Variants in CSMD1 observed in about 807,000 individuals in gnomAD.
CSMD1 encodes the protein CUB and Sushi multiple domains 1.
CSMD1 carries 213 observed loss-of-function variants against 417.5 expected under a neutral mutation model. The observed-to-expected ratio is 0.51, with a 90% confidence interval of 0.46 to 0.57. The LOEUF (loss-of-function observed/expected upper bound fraction) is 0.57. Ranked by LOEUF, CSMD1 falls within the 20% of genes least tolerant of loss-of-function variation. The pLI, the probability that CSMD1 is intolerant of heterozygous loss-of-function variation, is 0.00. For synonymous variants in CSMD1, 2,862 were observed against 1,736.8 expected (o/e 1.65, Z -16.11); for missense variants, 6,923 against 4,529.7 (o/e 1.53, Z -15.17).
At chr8:4,039,678 G>C (rs546291967) in intron 3 of CSMD1, among the ~76,000 whole-genome samples, 1 of 152,166 alleles carries the variant, frequency 6.6e-6, no homozygotes. Flanking sequence ...ATAACTCAAT[G>C]AGGAAGTGAG....
At chr8:4,914,235 A>G (rs1805899000) in intron 1 of CSMD1, among the ~76,000 whole-genome samples, 1 of 152,194 alleles carries the variant, frequency 6.6e-6, no homozygotes, top group African/African-American at 2.4e-5. Flanking sequence ...AAGCTATGGA[A>G]TTATGCAAGT....
intron 1 of CSMD1, among the ~76,000 whole-genome samples, chr8:4,918,290 G>C (rs1806205130): frequency 1.3e-5 from 2 of 152,142 alleles, no homozygotes; most frequent in South Asian, 4.1e-4. Context: ...ACTTATTTTT[G>C]TATTTATGAG....
intron 3 of CSMD1, among the ~76,000 whole-genome samples, chr8:4,405,364 T>G (rs1391656870): frequency 2.0e-5 from 3 of 152,174 alleles, no homozygotes; most frequent in African/African-American, 7.2e-5. Flanking sequence ...TAGAAATGGT[T>G]TAGATTCTGG....
intron 17 of CSMD1, among the ~76,000 whole-genome samples, chr8:3,392,103 T>C (rs928319494): frequency 4.2e-5 from 4 of 95,320 alleles, no homozygotes; most frequent in Non-Finnish European, 6.0e-5. Flanking sequence ...CCAGGGCCTG[T>C]TGTGCGGTGG....
chr8:4,239,218 C>T (rs1301037987), intron 3 of CSMD1, among the ~76,000 whole-genome samples: 3 of 152,196 alleles, frequency 2.0e-5, no homozygotes, highest in Non-Finnish European at 4.4e-5. Flanking sequence ...TCTCACGTTT[C>T]ACATCCTGCC....
intron 3 of CSMD1, among the ~76,000 whole-genome samples, chr8:4,035,407 A>G (rs2130599515): frequency 6.6e-6 from 1 of 152,268 alleles, no homozygotes; most frequent in African/African-American, 2.4e-5. Flanking sequence ...AAAAATTACG[A>G]TTTTACTGTA....
In CSMD1 at chr8:3,186,521, G is replaced by C. The variant is rs558160934; in HGVS notation, c.5620+1348C>G. Among the ~76,000 whole-genome samples the C allele has an allele frequency of 5.3e-5, 8 of 152,300 alleles. No homozygotes were observed. The South Asian group carries it at 8.3e-4, about 16-fold the overall frequency. ...AAATAAAAATATGGTTTTATTTGCT[G>C]AGAACCAGAGATAAGATCTTTGAAC... On this transcript the variant is annotated intron_variant, in intron 36 of 69. Transcript: ENST00000635120.
intron 3 of CSMD1, among the ~76,000 whole-genome samples, chr8:4,334,818 G>A (rs192187141): frequency 1.1e-4 from 16 of 152,108 alleles, no homozygotes; most frequent in Admixed American, 8.5e-4. Flanking sequence ...CCATATATTC[G>A]GAGGTTTTTA....
intron 49 of CSMD1, among the ~76,000 whole-genome samples, chr8:3,084,193 T>C (rs191896452): frequency 7.2e-5 from 11 of 152,256 alleles, no homozygotes; most frequent in Admixed American, 7.2e-4. Context: ...CCAAAGTGTT[T>C]CTACAACTTA....
chr8:4,369,595 T>C (rs67529403), intron 3 of CSMD1, among the ~76,000 whole-genome samples: 45,566 of 152,048 alleles, frequency 0.3, 6,871 homozygotes, highest in East Asian at 0.49. Flanking sequence ...TAGATCTCTA[T>C]GAACTTGTTT....
intron 25 of CSMD1, among the ~76,000 whole-genome samples, chr8:3,303,747 C>A (rs1297007815): frequency 1.3e-5 from 2 of 152,108 alleles, no homozygotes; most frequent in African/African-American, 4.8e-5. Flanking sequence ...CATGGCTGTG[C>A]CCAGCAATGA....
intron 10 of CSMD1, among the ~76,000 whole-genome samples, chr8:3,521,190 C>G (rs937318532): frequency 6.6e-6 from 1 of 152,032 alleles, no homozygotes; most frequent in Non-Finnish European, 1.5e-5. Flanking sequence ...CTATTTTTTT[C>G]ACACCCACCA....
chr8:4,522,217 C>A (rs1322701224), intron 2 of CSMD1, among the ~76,000 whole-genome samples: 1 of 152,054 alleles, frequency 6.6e-6, no homozygotes, highest in Non-Finnish European at 1.5e-5. Context: ...ATGGGAGGTT[C>A]TCTGCACAAA....
intron 3 of CSMD1, among the ~76,000 whole-genome samples, chr8:4,168,892 C>G (rs1797608141): frequency 6.6e-6 from 1 of 152,156 alleles, no homozygotes; most frequent in South Asian, 2.1e-4. Flanking sequence ...ATCAGGACTG[C>G]TTATCCAACC....
chr8:4,724,908 A>G (rs1430488487), intron 1 of CSMD1, among the ~76,000 whole-genome samples: 1 of 152,134 alleles, frequency 6.6e-6, no homozygotes, highest in Admixed American at 6.6e-5. Context: ...GAAACAAATC[A>G]TACAGGTTTT....
intron 11 of CSMD1, among the ~76,000 whole-genome samples, chr8:3,482,649 G>A (rs1025828834): frequency 1.3e-5 from 2 of 152,252 alleles, no homozygotes; most frequent in Non-Finnish European, 2.9e-5. Flanking sequence ...TCTAACTGAC[G>A]AATATGGAAC....
At chr8:4,833,707 G>C (rs1363858323) in intron 1 of CSMD1, among the ~76,000 whole-genome samples, 1 of 152,160 alleles carries the variant, frequency 6.6e-6, no homozygotes, top group East Asian at 1.9e-4. Context: ...CTAGTGGAAG[G>C]AGGGTGACTC....
chr8:3,720,179 G>A (rs939374998), intron 6 of CSMD1, among the ~76,000 whole-genome samples: 1 of 152,186 alleles, frequency 6.6e-6, no homozygotes, highest in South Asian at 2.1e-4. Context: ...AGCTGGGGAT[G>A]AACCTCTCCA....
chr8:4,399,151 G>T (rs188069868), intron 3 of CSMD1, among the ~76,000 whole-genome samples: 1 of 152,156 alleles, frequency 6.6e-6, no homozygotes, highest in Non-Finnish European at 1.5e-5. Flanking sequence ...ATAAAACTTT[G>T]TGTGATCAGC....
Sources: allele counts gnomAD v4.1 joint callset (sites outside exome capture counted in the v4.1 genomes callset), GRCh38; gene constraint gnomAD v4.1.1; transcripts MANE v1.5; gene names NCBI Gene and HGNC (gene_info 2026-07-23, HGNC 2026-07-21).